Variants in AHRR observed in about 807,000 individuals in gnomAD.
AHRR encodes the protein aryl hydrocarbon receptor repressor.
In AHRR, 28 loss-of-function variants were observed where a neutral mutation model predicts 44.0. The observed-to-expected ratio is 0.64, with a 90% confidence interval of 0.47 to 0.87. The LOEUF is 0.87. Among genes scored for constraint, AHRR ranks in the 40% least tolerant of loss-of-function variants. The probability of loss-of-function intolerance (pLI) is 0.00; values close to 1 mark genes in which losing one functional copy is unlikely to be tolerated. For missense variants in AHRR, 990 were observed against 953.9 expected (o/e 1.04, Z -0.50); for synonymous variants, 434 against 407.0 (o/e 1.07, Z -0.80).
chr5:342,264 A>G lies in AHRR; in HGVS notation c.-10-1629A>G, dbSNP rs1004221503. On this transcript the variant is annotated intron_variant, in intron 1 of 10. Transcript: ENST00000684583. This position sits in a 1 kb window ranked among gnomAD's most constrained non-coding sequence, Gnocchi z 4.3. The stretch of plus-strand genomic sequence containing the variant: ...TTTACTTGTTCTATTGATCACTGAG[A>G]TAGGAATGTTAATGTCTCCCATGAA... Among the ~76,000 whole-genome samples, 2 of 152,208 alleles carry G rather than the reference A, an allele frequency of 1.3e-5. No homozygotes were observed. Among genetic ancestry groups the G allele is most frequent in the African/African-American group, 4.8e-5 (2 of 41,444 alleles).
chr5:422,378 G>C (rs1483039534), intron 5 of AHRR: 2 of 353,148 alleles, frequency 5.7e-6, no homozygotes, highest in South Asian at 4.6e-5. Flanking sequence ...TGAAGTGATG[G>C]GAAACCGAGT....
At chr5:432,156 TC>T in intron 8 of AHRR, 1 of 352,062 alleles carries the variant, frequency 2.8e-6, no homozygotes, top group South Asian at 2.7e-5. Flanking sequence ...TTTCTGGCCT[TC>T]CAGGAAAAAA....
chr5:396,421 C>T (rs960428400), intron 4 of AHRR, among the ~76,000 whole-genome samples: 2 of 152,166 alleles, frequency 1.3e-5, no homozygotes, highest in African/African-American at 4.8e-5. Flanking sequence ...CGGCCCCAGC[C>T]TCACCCTGGC....
At chr5:410,544 A>G (rs1285501566) in intron 4 of AHRR, among the ~76,000 whole-genome samples, 4 of 64,500 alleles carry the variant, frequency 6.2e-5, no homozygotes, top group African/African-American at 1.1e-4. Context: ...GTCGCTTTCT[A>G]TAAAAAGAAA....
intron 3 of AHRR, among the ~76,000 whole-genome samples, chr5:355,962 T>C (rs1202122003): frequency 1.3e-5 from 2 of 152,236 alleles, no homozygotes; most frequent in Non-Finnish European, 2.9e-5. Flanking sequence ...CCACGTATAA[T>C]TAGAAACAAG....
chr5:324,743 C>T (rs1005166862), intron 1 of AHRR, among the ~76,000 whole-genome samples: 7 of 152,102 alleles, frequency 4.6e-5, no homozygotes, highest in Non-Finnish European at 8.8e-5. Context: ...GAGCCAAAGT[C>T]ACACCATTGC....
At chr5:407,174 C>T (rs972528164) in intron 4 of AHRR, among the ~76,000 whole-genome samples, 10 of 152,110 alleles carry the variant, frequency 6.6e-5, no homozygotes, top group African/African-American at 2.2e-4. Context: ...TATTTATTTT[C>T]ATATTTAGTA....
rs560293209 is a variant in AHRR at position 353,263 on chromosome 5, G to C, written c.63-467G>C. Among the ~76,000 whole-genome samples the C allele has an allele frequency of 2.0e-5, 3 of 152,176 alleles. No individual in the cohort carries two copies. The South Asian group carries it at 6.2e-4, about 31-fold the overall frequency. On this transcript the variant is annotated intron_variant, in intron 2 of 10. Transcript: ENST00000684583. Reference sequence around the variant, plus strand: ...GGCACGGCCCGGCTGATGCCAGGAGGACCTTTTCATGTTTCCTGGAATGTG... The same window carrying C: ...GGCACGGCCCGGCTGATGCCAGGAGCACCTTTTCATGTTTCCTGGAATGTG...
intron 4 of AHRR, among the ~76,000 whole-genome samples, chr5:396,058 G>T (rs879528767): frequency 1.3e-5 from 2 of 152,192 alleles, no homozygotes; most frequent in Non-Finnish European, 2.9e-5. Flanking sequence ...GGGTACCGGG[G>T]AAACGAGCCC....
chr5:354,793 C>CG (rs1029061027), intron 3 of AHRR, among the ~76,000 whole-genome samples: 6 of 152,270 alleles, frequency 3.9e-5, no homozygotes, highest in African/African-American at 1.2e-4. Flanking sequence ...CTCCCCTGGG[C>CG]GGGGGGCGTC....
chr5:392,677 C>A (rs537906977), intron 4 of AHRR, among the ~76,000 whole-genome samples: 1 of 152,072 alleles, frequency 6.6e-6, no homozygotes. Flanking sequence ...AGTGATGTGG[C>A]GGGAAGGCTG....
chr5:373,930 G>T (rs1277825446), intron 3 of AHRR, among the ~76,000 whole-genome samples: 2 of 148,018 alleles, frequency 1.4e-5, no homozygotes, highest in East Asian at 1.9e-4. Context: ...GGGGAAGTAG[G>T]GGGGAAGTGG....
chr5:331,773 A>G (rs1374549874), intron 1 of AHRR, among the ~76,000 whole-genome samples: 1 of 152,156 alleles, frequency 6.6e-6, no homozygotes, highest in Non-Finnish European at 1.5e-5. Flanking sequence ...CACAAACCCT[A>G]TTGTGAACTG....
Position 405,241 on chromosome 5 carries a change from C to T in AHRR, c.352-8103C>T, listed in dbSNP as rs544925864. Among the ~76,000 whole-genome samples, 1 of 152,110 alleles carries T rather than the reference C, an allele frequency of 6.6e-6. No homozygotes were observed. Among genetic ancestry groups the T allele is most frequent in the Non-Finnish European group, 1.5e-5 (1 of 68,030 alleles). ...TTAGCATGGAACCAACCCTCTTCCT[C>T]GGAGCTGCACGGGAATGAAAATGTA... On this transcript the variant is annotated intron_variant, in intron 4 of 10. Coordinates refer to ENST00000684583, the MANE Select transcript of AHRR (RefSeq NM_001377236.1). This position sits in a 1 kb window ranked among gnomAD's most constrained non-coding sequence, Gnocchi z 4.5.
In AHRR at chr5:342,409, T is replaced by C. The variant is rs953893606; in HGVS notation, c.-10-1484T>C. 6.6e-6 allele frequency among the ~76,000 whole-genome samples: 1 copy of C among 152,252 alleles called. No individual in the cohort carries two copies. On this transcript the variant is annotated intron_variant, in intron 1 of 10. Coordinates refer to ENST00000684583, the MANE Select transcript of AHRR (RefSeq NM_001377236.1). The surrounding 1 kb of genome is among the most constrained non-coding windows in gnomAD (Gnocchi z 4.3). ...AATTGACCTCTTTATTATTAAAGAA[T>C]ATACCTTTTTGTCTCTGGTGATATT...
At position 413,756 on chromosome 5, in the gene AHRR, C is replaced by G. The variant is rs1016877692; in HGVS notation, c.441+323C>G. 2.6e-5 allele frequency among the ~76,000 whole-genome samples: 4 copies of G among 152,320 alleles called. No homozygotes were observed. The Middle Eastern group carries it at 0.014, about 518-fold the overall frequency. On this transcript the variant is annotated intron_variant, in intron 5 of 10. Coordinates refer to ENST00000684583, the MANE Select transcript of AHRR (RefSeq NM_001377236.1). Reference sequence around the variant, plus strand: ...CCCCACCAGCACCATCCCATTCAGCCGCTCCCAGGCAACGTCTTAAGCCTC... The same window carrying G: ...CCCCACCAGCACCATCCCATTCAGCGGCTCCCAGGCAACGTCTTAAGCCTC...
chr5:423,617 T>A (rs2126534512), intron 6 of AHRR, among the ~76,000 whole-genome samples: 1 of 152,306 alleles, frequency 6.6e-6, no homozygotes, highest in East Asian at 1.9e-4. Context: ...AAACCATTGG[T>A]CCATCGTCAT....
chr5:333,850 T>C (rs926439694), intron 1 of AHRR, among the ~76,000 whole-genome samples: 1 of 152,226 alleles, frequency 6.6e-6, no homozygotes, highest in South Asian at 2.1e-4. Flanking sequence ...GTTTCCATAA[T>C]GGTGAATGTC....
chr5:371,352 A>T (rs1361746161), intron 3 of AHRR, among the ~76,000 whole-genome samples: 2 of 152,312 alleles, frequency 1.3e-5, no homozygotes, highest in East Asian at 3.9e-4. Context: ...TCAGCACACT[A>T]GGCCTGTGTC....
Sources: allele counts gnomAD v4.1 joint callset (sites outside exome capture counted in the v4.1 genomes callset), GRCh38; gene constraint gnomAD v4.1.1; non-coding constraint Gnocchi (gnomAD v3.1); transcripts MANE v1.5; gene names NCBI Gene and HGNC (gene_info 2026-07-23, HGNC 2026-07-21).